SEPTIN10: variants seen among roughly 807,000 people sequenced by gnomAD.
The protein encoded by SEPTIN10 is septin 10, also known as septin-10.
A neutral mutation model predicts 54.8 loss-of-function variants in SEPTIN10; 66 were observed. That is an observed-to-expected ratio of 1.21 (90% CI 0.99 to 1.48). The LOEUF is 1.48. Among genes scored for constraint, SEPTIN10 ranks in the 40% most tolerant of loss-of-function variants. The pLI, the probability that SEPTIN10 is intolerant of heterozygous loss-of-function variation, is 0.00. For missense variants in SEPTIN10, 620 were observed against 545.6 expected (o/e 1.14, Z -1.36); for synonymous variants, 161 against 181.0 (o/e 0.89, Z 0.89).
At chr2:109,599,138 T>C (rs1695986840) in intron 1 of SEPTIN10, among the ~76,000 whole-genome samples, 1 of 151,976 alleles carries the variant, frequency 6.6e-6, no homozygotes, top group Admixed American at 6.6e-5. Context: ...TAGAAGTGGA[T>C]GCTTATTACA....
At chr2:109,544,450 CA>C (rs1416683773) in intron 10 of SEPTIN10, 126 bp from the exon 11 acceptor site, 11 of 1,392,526 alleles carry the variant, frequency 7.9e-6, no homozygotes, top group Middle Eastern at 2.7e-4. Context: ...AAGAAAAAAC[CA>C]AAAACACCAA....
chr2:109,582,445 G>A lies in SEPTIN10; in HGVS notation c.413+2681C>T, dbSNP rs1039873426. ...AGTGATAGTCCCACTTCAGCCTCCC[G>A]AGTAGCTGGCAGTATAGGTGCCCAC... On this transcript the variant is annotated intron_variant, in intron 4 of 10. Transcript: ENST00000397712. Among the ~76,000 whole-genome samples, 4 of 151,956 alleles carry A rather than the reference G, an allele frequency of 2.6e-5. No homozygotes were observed. In the East Asian group the frequency reaches 5.8e-4, roughly 22 times the overall value.
intron 1 of SEPTIN10, among the ~76,000 whole-genome samples, chr2:109,609,750 AG>A (rs1456558235): frequency 6.6e-6 from 1 of 152,194 alleles, no homozygotes; most frequent in Non-Finnish European, 1.5e-5. Flanking sequence ...TGAGAAAAAA[AG>A]TTCAGAAGCA....
intron 1 of SEPTIN10, among the ~76,000 whole-genome samples, chr2:109,609,635 G>T (rs901850981): frequency 1.5e-5 from 2 of 132,922 alleles, no homozygotes; most frequent in Non-Finnish European, 1.6e-5. Context: ...AAAAAAAAAA[G>T]ATCAAGAAAG....
At chr2:109,613,172 A>C in intron 1 of SEPTIN10, 10 of 1,288,892 alleles carry the variant, frequency 7.8e-6, no homozygotes, top group Non-Finnish European at 1.0e-5. Flanking sequence ...AAATAGTTGT[A>C]ACCACACTTG....
intron 9 of SEPTIN10, among the ~76,000 whole-genome samples, chr2:109,550,297 CAA>C (rs1317740438): frequency 6.7e-6 from 1 of 148,564 alleles, no homozygotes; most frequent in Admixed American, 6.7e-5. Context: ...TCTCAAAAAA[CAA>C]AAAAAAAGTA....
intron 1 of SEPTIN10, among the ~76,000 whole-genome samples, chr2:109,598,546 T>G (rs1695830639): frequency 6.6e-6 from 1 of 152,162 alleles, no homozygotes; most frequent in South Asian, 2.1e-4. Flanking sequence ...GTGGCCTAAA[T>G]AATTATCATC....
At chr2:109,604,465 G>A (rs1429325113) in intron 1 of SEPTIN10, among the ~76,000 whole-genome samples, 1 of 150,792 alleles carries the variant, frequency 6.6e-6, no homozygotes, top group East Asian at 2.0e-4. Flanking sequence ...GGTGGCTGAG[G>A]CCTGTAATCC....
chr2:109,586,733 TAA>T (rs1692631009), intron 2 of SEPTIN10, among the ~76,000 whole-genome samples: 1 of 152,160 alleles, frequency 6.6e-6, no homozygotes, highest in Non-Finnish European at 1.5e-5. Flanking sequence ...GCCTGTAAGT[TAA>T]AGAGTCTCCT....
chr2:109,587,245 G>A (rs1692772762), intron 2 of SEPTIN10, among the ~76,000 whole-genome samples: 1 of 152,024 alleles, frequency 6.6e-6, no homozygotes, highest in South Asian at 2.1e-4. Context: ...AACATCTGAA[G>A]TAAAAAATAT....
chr2:109,603,719 A>G (rs1697209992), intron 1 of SEPTIN10, among the ~76,000 whole-genome samples: 1 of 152,196 alleles, frequency 6.6e-6, no homozygotes, highest in Admixed American at 6.5e-5. Context: ...ACATAGTCAG[A>G]GAAAGCACTG....
At chr2:109,560,785 A>G (rs1685488192) in intron 8 of SEPTIN10, among the ~76,000 whole-genome samples, 1 of 152,158 alleles carries the variant, frequency 6.6e-6, no homozygotes, top group East Asian at 1.9e-4. Context: ...CCACCTAGCC[A>G]TGAAACCATA....
At chr2:109,562,538 C>T (rs905085399) in intron 8 of SEPTIN10, among the ~76,000 whole-genome samples, 1 of 152,146 alleles carries the variant, frequency 6.6e-6, no homozygotes, top group Non-Finnish European at 1.5e-5. Flanking sequence ...ACTAAGAATT[C>T]TGACTGCAGA....
intron 8 of SEPTIN10, among the ~76,000 whole-genome samples, chr2:109,558,053 T>C (rs530333194): frequency 4.6e-5 from 7 of 152,244 alleles, no homozygotes; most frequent in South Asian, 2.1e-4. Context: ...TGGCCTCCCA[T>C]AGTGTTGGGA....
At chr2:109,545,462 T>G in intron 10 of SEPTIN10, 1 of 1,536,156 alleles carries the variant, frequency 6.5e-7, no homozygotes, top group Non-Finnish European at 8.7e-7. Flanking sequence ...CTCTCTACCT[T>G]TCTCTGCGTC....
At chr2:109,545,414 C>T (rs901627761) in intron 10 of SEPTIN10, 68 of 1,535,814 alleles carry the variant, frequency 4.4e-5, no homozygotes, top group Non-Finnish European at 5.8e-5. Flanking sequence ...CGATTATCAT[C>T]CACATGCTAC....
At chr2:109,600,323 A>C (rs916596295) in intron 1 of SEPTIN10, among the ~76,000 whole-genome samples, 2 of 151,934 alleles carry the variant, frequency 1.3e-5, no homozygotes, top group African/African-American at 4.8e-5. Context: ...CCTGCCCCTC[A>C]TCTCCAAGAA....
intron 2 of SEPTIN10, among the ~76,000 whole-genome samples, chr2:109,589,763 AAAT>A (rs1331503235): frequency 2.6e-5 from 4 of 152,090 alleles, no homozygotes; most frequent in African/African-American, 9.7e-5. Flanking sequence ...GAGGTATCCA[AAAT>A]AATGAAAACA....
intron 2 of SEPTIN10, 62 bp from the exon 3 acceptor site, chr2:109,585,900 T>C (rs1692421792): frequency 2.5e-6 from 3 of 1,219,602 alleles, no homozygotes. Flanking sequence ...TTAAATAGGA[T>C]GTAGGCACAC....
Sources: gnomAD v4.1 joint callset for allele counts (sites outside exome capture counted in the v4.1 genomes callset) on GRCh38, gnomAD v4.1.1 for gene constraint, MANE v1.5 for transcripts, NCBI Gene and HGNC (gene_info 2026-07-23, HGNC 2026-07-21) for gene names.